Variants in AUTS2 observed in about 807,000 individuals in gnomAD.
AUTS2 encodes activator of transcription and developmental regulator AUTS2.
AUTS2 carries 17 observed loss-of-function variants against 112.4 expected under a neutral mutation model. That is an observed-to-expected ratio of 0.15 (90% CI 0.10 to 0.23). The LOEUF is 0.23. Ranked by LOEUF, AUTS2 falls within the 10% of genes least tolerant of loss-of-function variation. AUTS2 has a pLI of 1.00. For synonymous variants in AUTS2, 751 were observed against 702.7 expected, an observed-to-expected ratio of 1.07 and a Z score of -1.09; for missense variants, 1,510 against 1,701.6, an observed-to-expected ratio of 0.89 and a Z score of 1.98.
chr7:70,135,532 G>T (rs568135376), intron 4 of AUTS2, among the ~76,000 whole-genome samples: 8 of 152,104 alleles, frequency 5.3e-5, no homozygotes, highest in African/African-American at 1.9e-4. Context: ...TAATTACTCT[G>T]GTTTTCTTCT....
chr7:69,881,035 T>C (rs1439937957), intron 1 of AUTS2, among the ~76,000 whole-genome samples: 1 of 152,226 alleles, frequency 6.6e-6, no homozygotes. Flanking sequence ...GTGTTCACTG[T>C]TGAGCTGAGA....
chr7:69,741,901 T>G (rs941587393), intron 1 of AUTS2, among the ~76,000 whole-genome samples: 1 of 151,926 alleles, frequency 6.6e-6, no homozygotes, highest in Non-Finnish European at 1.5e-5. Flanking sequence ...CTTCACAGGC[T>G]TAAGTGATCC....
chr7:69,909,754 C>A (rs1338047805), intron 2 of AUTS2, among the ~76,000 whole-genome samples: 1 of 152,236 alleles, frequency 6.6e-6, no homozygotes, highest in African/African-American at 2.4e-5. Flanking sequence ...AAAACCTATT[C>A]TTAGGATTTA....
At chr7:69,733,495 C>T (rs1382414549) in intron 1 of AUTS2, among the ~76,000 whole-genome samples, 1 of 151,988 alleles carries the variant, frequency 6.6e-6, no homozygotes, top group African/African-American at 2.4e-5. Flanking sequence ...AGGTGGTGAC[C>T]CTGGTGAAAT....
chr7:69,620,023 C>G (rs988282), intron 1 of AUTS2, among the ~76,000 whole-genome samples: 108,153 of 152,128 alleles, frequency 0.71, 38,501 homozygotes, highest in East Asian at 0.78. Context: ...CTTCATGAAT[C>G]TACTTCTTCA....
intron 4 of AUTS2, among the ~76,000 whole-genome samples, chr7:70,351,052 C>CTTTTTT (rs34943340): frequency 7.4e-6 from 1 of 134,960 alleles, no homozygotes. Flanking sequence ...TTGTCTTCTT[C>CTTTTTT]TTTTTTTTTT....
At chr7:70,787,520 C>A in intron 18 of AUTS2, 89 bp downstream of exon 18, 1 of 970,414 alleles carries the variant, frequency 1.0e-6, no homozygotes, top group Non-Finnish European at 1.5e-6. Flanking sequence ...CTCCCTGTCC[C>A]AGCCTCGTGC....
intron 2 of AUTS2, among the ~76,000 whole-genome samples, chr7:70,106,398 C>T (rs966348464): frequency 1.3e-5 from 2 of 152,064 alleles, no homozygotes; most frequent in African/African-American, 2.4e-5. Flanking sequence ...TGGCACTGGA[C>T]GTCATATGAA....
At chr7:69,948,283 A>C (rs368810987) in intron 2 of AUTS2, among the ~76,000 whole-genome samples, 35 of 152,284 alleles carry the variant, frequency 2.3e-4, no homozygotes, top group East Asian at 9.7e-4. Flanking sequence ...CAACCCACTC[A>C]ATCCACTTCA....
intron 4 of AUTS2, 88 bp downstream of exon 4, chr7:70,134,659 T>C (rs1806456246): frequency 8.3e-7 from 1 of 1,207,050 alleles, no homozygotes; most frequent in Non-Finnish European, 1.2e-6. Flanking sequence ...TGAAAAAAAA[T>C]CTGAGAATTT....
intron 5 of AUTS2, among the ~76,000 whole-genome samples, chr7:70,691,758 T>C (rs1808764529): frequency 6.6e-6 from 1 of 152,154 alleles, no homozygotes; most frequent in African/African-American, 2.4e-5. Context: ...GGTCAGAGGC[T>C]TGGCTTTTGG....
At chr7:70,410,391 G>A (rs904325004) in intron 4 of AUTS2, among the ~76,000 whole-genome samples, 11 of 144,382 alleles carry the variant, frequency 7.6e-5, no homozygotes, top group African/African-American at 2.3e-4. Flanking sequence ...TCTTAGGAGG[G>A]TTTGTCTTTT....
At chr7:70,611,919 A>G (rs1804113335) in intron 5 of AUTS2, among the ~76,000 whole-genome samples, 1 of 152,258 alleles carries the variant, frequency 6.6e-6, no homozygotes, top group Non-Finnish European at 1.5e-5. Flanking sequence ...AGTCGTACTC[A>G]TTAGAGTAGT....
chr7:70,056,082 G>A (rs934343186), intron 2 of AUTS2, among the ~76,000 whole-genome samples: 1 of 151,972 alleles, frequency 6.6e-6, no homozygotes, highest in Non-Finnish European at 1.5e-5. Context: ...CCACCTCCCG[G>A]GTTCTAGCGA....
chr7:70,143,466 G>A (rs558233134), intron 4 of AUTS2, among the ~76,000 whole-genome samples: 1 of 152,310 alleles, frequency 6.6e-6, no homozygotes, highest in South Asian at 2.1e-4. Context: ...AGTAACACAA[G>A]GATTGGCATT....
chr7:70,118,908 G>T (rs1397338329), intron 3 of AUTS2: 1 of 152,098 alleles, frequency 6.6e-6, no homozygotes, highest in African/African-American at 2.4e-5. Flanking sequence ...CAACAGGGCA[G>T]GTTCCCCCTC....
At chr7:69,870,144 G>A (rs1260579873) in intron 1 of AUTS2, among the ~76,000 whole-genome samples, 2 of 151,916 alleles carry the variant, frequency 1.3e-5, no homozygotes, top group Non-Finnish European at 2.9e-5. Context: ...AAATGGATAA[G>A]AGTAACTAAC....
chr7:70,598,616 G>A (rs1803315053), intron 5 of AUTS2, among the ~76,000 whole-genome samples: 1 of 152,108 alleles, frequency 6.6e-6, no homozygotes, highest in South Asian at 2.1e-4. Flanking sequence ...AGGGAGTAGG[G>A]GCTCAAGGAT....
chr7:70,535,467 T>G (rs899848018), intron 5 of AUTS2, among the ~76,000 whole-genome samples: 1 of 152,170 alleles, frequency 6.6e-6, no homozygotes, highest in African/African-American at 2.4e-5. Flanking sequence ...CAGGCTAGAG[T>G]GCAGTGGCGT....
Sources: gnomAD v4.1 joint callset for allele counts (sites outside exome capture counted in the v4.1 genomes callset) on GRCh38, gnomAD v4.1.1 for gene constraint, MANE v1.5 for transcripts, NCBI Gene and HGNC (gene_info 2026-07-23, HGNC 2026-07-21) for gene names.